The following MAGI2 variants were observed in gnomAD, a reference collection of about 807,000 sequenced individuals.
The protein encoded by MAGI2 is membrane associated guanylate kinase, WW and PDZ domain containing 2.
Under a neutral mutation model 133.3 loss-of-function variants are expected in MAGI2, and 35 were observed. The observed-to-expected ratio is 0.26, with a 90% confidence interval of 0.20 to 0.35. The LOEUF (loss-of-function observed/expected upper bound fraction) is 0.35, where lower values mean the gene tolerates loss of function less well. MAGI2 is among the 10% of genes least tolerant of loss of function. MAGI2 has a pLI of 1.00. For missense variants in MAGI2, 1,636 were observed against 1,863.4 expected, an observed-to-expected ratio of 0.88 and a Z score of 2.25; for synonymous variants, 729 against 710.6, an observed-to-expected ratio of 1.03 and a Z score of -0.41.
intron 3 of MAGI2, among the ~76,000 whole-genome samples, chr7:78,584,364 G>C (rs913638827): frequency 7.1e-6 from 1 of 140,934 alleles, no homozygotes; most frequent in African/African-American, 2.6e-5. Flanking sequence ...AGGTTGCAGT[G>C]AGCCAAGATC....
rs577101438 is a variant in MAGI2 at position 78,311,927 on chromosome 7, C to T, written c.1408+31851G>A. On this transcript the variant is annotated intron_variant, in intron 9 of 21. Coordinates refer to ENST00000354212, the MANE Select transcript of MAGI2 (RefSeq NM_012301.4). ...CTGGGATTACAGGTGCGCGCCACCACGCCTGGCTAATTTTTGTATTTTTAG... is the reference window on the plus strand; with the variant it reads ...CTGGGATTACAGGTGCGCGCCACCATGCCTGGCTAATTTTTGTATTTTTAG... 2.0e-4 allele frequency among the ~76,000 whole-genome samples: 30 copies of T among 152,066 alleles called. No individual in the cohort carries two copies. The East Asian group carries it at 4.1e-3, about 21-fold the overall frequency.
At chr7:78,277,282 T>C (rs1795146383) in intron 9 of MAGI2, among the ~76,000 whole-genome samples, 1 of 152,140 alleles carries the variant, frequency 6.6e-6, no homozygotes, top group Non-Finnish European at 1.5e-5. Context: ...TAATTCCCAT[T>C]TAATACTTCA....
chr7:79,083,195 G>A (rs1816198638), intron 1 of MAGI2, among the ~76,000 whole-genome samples: 1 of 151,024 alleles, frequency 6.6e-6, no homozygotes, highest in African/African-American at 2.4e-5. Context: ...AAATGCTCTT[G>A]CTGGGCTCTC....
At chr7:78,944,041 G>A (rs1331329929) in intron 2 of MAGI2, among the ~76,000 whole-genome samples, 1 of 152,054 alleles carries the variant, frequency 6.6e-6, no homozygotes, top group Admixed American at 6.6e-5. Flanking sequence ...CTTATAGTAG[G>A]TGTGACACAC....
chr7:79,234,527 G>C (rs558294665), intron 1 of MAGI2, among the ~76,000 whole-genome samples: 1 of 151,458 alleles, frequency 6.6e-6, no homozygotes, highest in Admixed American at 6.6e-5. Flanking sequence ...TTCCCTTCTC[G>C]CTTCATTTCA....
chr7:78,713,297 T>C (rs1228619096), intron 2 of MAGI2, among the ~76,000 whole-genome samples: 1 of 152,184 alleles, frequency 6.6e-6, no homozygotes, highest in Non-Finnish European at 1.5e-5. Context: ...AAGCATTTCT[T>C]GTGTACTTAT....
chr7:78,991,190 G>A lies in MAGI2; in HGVS notation c.418+15900C>T, dbSNP rs7791500. Among the ~76,000 whole-genome samples the A allele has an allele frequency of 2.1e-3, 312 of 151,758 alleles. 1 individual carries two copies. The highest frequency in any genetic ancestry group is 7.1e-3 in the African/African-American group (292 of 41,384). On this transcript the variant is annotated intron_variant, in intron 2 of 21. Transcript: ENST00000354212. Reference sequence around the variant, plus strand: ...GCCTGCTTCTCCTTTGCCTTCCACCGTGATTGTAAGTTTCCTGTGGCCTCC... The same window carrying A: ...GCCTGCTTCTCCTTTGCCTTCCACCATGATTGTAAGTTTCCTGTGGCCTCC...
chr7:78,201,011 A>C, intron 11 of MAGI2, 151 bp downstream of exon 11: 1 of 565,200 alleles, frequency 1.8e-6, no homozygotes, highest in Non-Finnish European at 3.1e-6. Flanking sequence ...TGGGACAGAT[A>C]CAAGACAAAA....
At chr7:78,809,635 G>GTT (rs1006858811) in intron 2 of MAGI2, among the ~76,000 whole-genome samples, 7 of 148,152 alleles carry the variant, frequency 4.7e-5, no homozygotes, top group African/African-American at 1.7e-4. Context: ...TTGCCTTACT[G>GTT]TTTTTTTTTT....
intron 1 of MAGI2, among the ~76,000 whole-genome samples, chr7:79,322,486 C>G (rs1249448827): frequency 6.6e-6 from 1 of 151,490 alleles, no homozygotes; most frequent in East Asian, 1.9e-4. Flanking sequence ...CCCTGTCAAG[C>G]AATTGTCTCA....
intron 1 of MAGI2, among the ~76,000 whole-genome samples, chr7:79,193,735 C>T (rs548065263): frequency 1.3e-5 from 2 of 151,780 alleles, no homozygotes; most frequent in African/African-American, 4.9e-5. Context: ...TCTCCCCCCA[C>T]CACTTTTTGT....
At chr7:78,924,955 G>C (rs1799578412) in intron 2 of MAGI2, among the ~76,000 whole-genome samples, 1 of 151,766 alleles carries the variant, frequency 6.6e-6, no homozygotes, top group African/African-American at 2.4e-5. Context: ...TGCTCTCCAG[G>C]TTGGAGGAAT....
chr7:78,177,942 C>T, intron 14 of MAGI2, 69 bp downstream of exon 14: 1 of 1,097,300 alleles, frequency 9.1e-7, no homozygotes, highest in South Asian at 1.3e-5. Context: ...TCACACTAAA[C>T]ACTATTTTCC....
intron 2 of MAGI2, among the ~76,000 whole-genome samples, chr7:78,975,271 C>T (rs765415386): frequency 6.6e-6 from 1 of 151,746 alleles, no homozygotes; most frequent in Non-Finnish European, 1.5e-5. Context: ...AGATAGACCA[C>T]ATTGTGGGCT....
At chr7:78,643,676 G>A (rs537614900) in intron 2 of MAGI2, among the ~76,000 whole-genome samples, 2 of 152,056 alleles carry the variant, frequency 1.3e-5, no homozygotes, top group East Asian at 1.9e-4. Context: ...GATAAGAGAT[G>A]GTTTAAAGTA....
chr7:78,967,427 CT>C (rs1229695804), intron 2 of MAGI2, among the ~76,000 whole-genome samples: 1 of 151,866 alleles, frequency 6.6e-6, no homozygotes, highest in South Asian at 2.1e-4. Context: ...CAATTGTTCC[CT>C]TTGGTGTGAT....
rs146762492 is a variant in MAGI2 at position 79,440,434 on chromosome 7, C to T, written c.301+12586G>A. 3.1e-3 allele frequency among the ~76,000 whole-genome samples: 469 copies of T among 152,118 alleles called. 4 individuals are homozygous for T. Among genetic ancestry groups the T allele is most frequent in the African/African-American group, 0.01 (419 of 41,510 alleles). On this transcript the variant is annotated intron_variant, in intron 1 of 21. Coordinates refer to ENST00000354212, the MANE Select transcript of MAGI2 (RefSeq NM_012301.4). ...ATTTTAAAATGAATTTGTGTTCCTA[C>T]ATATTACTTCAGAATGGTAAAAAAT... is the stretch of plus-strand genomic sequence containing the variant.
chr7:78,930,887 GC>G (rs1800058189), intron 2 of MAGI2, among the ~76,000 whole-genome samples: 1 of 152,040 alleles, frequency 6.6e-6, no homozygotes, highest in Non-Finnish European at 1.5e-5. Context: ...TTTTAACTGA[GC>G]AGTTAGTACG....
intron 4 of MAGI2, among the ~76,000 whole-genome samples, chr7:78,515,182 A>T (rs569069124): frequency 7.2e-5 from 11 of 152,192 alleles, no homozygotes; most frequent in Non-Finnish European, 1.6e-4. Context: ...AGAAAGCTTA[A>T]CCTAATTACT....
Sources: gnomAD v4.1 joint callset for allele counts (sites outside exome capture counted in the v4.1 genomes callset) on GRCh38, gnomAD v4.1.1 for gene constraint, MANE v1.5 for transcripts, NCBI Gene and HGNC (gene_info 2026-07-23, HGNC 2026-07-21) for gene names.